Variants in TTC34 observed in about 807,000 individuals in gnomAD.
TTC34 encodes tetratricopeptide repeat domain 34.
TTC34 carries 44 observed loss-of-function variants against 40.7 expected under a neutral mutation model. The ratio of observed to expected loss-of-function variants is 1.08; its 90% CI spans 0.85 to 1.39. The LOEUF is 1.39. Ranked by LOEUF, TTC34 falls within the 40% of genes most tolerant of loss-of-function variation. TTC34 has a pLI of 0.00. For synonymous variants in TTC34, 422 were observed against 398.6 expected (o/e 1.06, Z -0.70); for missense variants, 884 against 838.0 (o/e 1.05, Z -0.68).
intron 2 of TTC34, among the ~76,000 whole-genome samples, chr1:2,798,921 C>G (rs1333528194): frequency 2.1e-5 from 2 of 94,192 alleles, no homozygotes; most frequent in African/African-American, 4.5e-5. Flanking sequence ...CTCCAAGCCT[C>G]GCAGCCCCCC....
chr1:2,648,984 C>T (rs1386459699), intron 6 of TTC34, among the ~76,000 whole-genome samples: 2 of 151,544 alleles, frequency 1.3e-5, no homozygotes, highest in Non-Finnish European at 2.9e-5. Flanking sequence ...TATCTGACAG[C>T]CTGGGAATGC....
At chr1:2,769,693 T>A (rs374372449) in intron 6 of TTC34, among the ~76,000 whole-genome samples, 13 of 10,996 alleles carry the variant, frequency 1.2e-3, no homozygotes, top group East Asian at 5.6e-3. Flanking sequence ...CATCTGACAG[T>A]CTGGAGCAGC....
At chr1:2,683,152 C>A (rs1179671529) in intron 6 of TTC34, among the ~76,000 whole-genome samples, 1 of 140,262 alleles carries the variant, frequency 7.1e-6, no homozygotes, top group African/African-American at 2.7e-5. Flanking sequence ...CACGCACAGC[C>A]CCAGGAGAGC....
chr1:2,645,618 C>G lies in TTC34; in HGVS notation c.2227-55G>C. 1 of 1,424,060 alleles carries G rather than the reference C, an allele frequency of 7.0e-7. No individual in the cohort carries two copies. The highest frequency in any genetic ancestry group is 9.2e-7 in the Non-Finnish European group (1 of 1,087,430). 88.2% of individuals were successfully genotyped at this position (1,424,060 alleles called of 1,614,324 possible). ...AGTTGTCCTAAGTAGAGAAACTGGGCAGAGGGTCAGAGTAGGAGGACTGGC... is the reference window on the plus strand; with the variant it reads ...AGTTGTCCTAAGTAGAGAAACTGGGGAGAGGGTCAGAGTAGGAGGACTGGC... On this transcript the variant is annotated intron_variant, in intron 6 of 8. Transcript: ENST00000401095. The surrounding 1 kb of genome is among the most constrained non-coding windows in gnomAD (Gnocchi z 4.7).
intron 6 of TTC34, among the ~76,000 whole-genome samples, chr1:2,777,067 C>G (rs1232241501): frequency 1.5e-4 from 4 of 25,908 alleles, no homozygotes; most frequent in African/African-American, 5.6e-4. Flanking sequence ...GAGCATCTGA[C>G]ATCCTGGAAC....
intron 4 of TTC34, 30 bp downstream of exon 4, chr1:2,787,451 T>A (rs1437293765): frequency 4.1e-6 from 6 of 1,447,164 alleles, no homozygotes; most frequent in Non-Finnish European, 4.6e-6. Context: ...CATTTCCACC[T>A]GCCCTCTGTC....
intron 6 of TTC34, among the ~76,000 whole-genome samples, chr1:2,768,186 G>T (rs1641848166): frequency 6.6e-6 from 1 of 151,892 alleles, no homozygotes; most frequent in Non-Finnish European, 1.5e-5. Flanking sequence ...GCATCTGACA[G>T]CCTGGAGCAG....
intron 4 of TTC34, among the ~76,000 whole-genome samples, chr1:2,786,959 G>A (rs1017782867): frequency 3.9e-5 from 6 of 152,158 alleles, no homozygotes; most frequent in Non-Finnish European, 8.8e-5. Flanking sequence ...AGGCCCCAAG[G>A]CCTGAATCCC....
At chr1:2,751,935 G>A (rs1312711529) in intron 6 of TTC34, among the ~76,000 whole-genome samples, 1 of 115,168 alleles carries the variant, frequency 8.7e-6, no homozygotes, top group Non-Finnish European at 1.7e-5. Context: ...CATAACCACA[G>A]GTGAACATCG....
At chr1:2,683,300 A>T (rs1401999900) in intron 6 of TTC34, among the ~76,000 whole-genome samples, 5 of 146,522 alleles carry the variant, frequency 3.4e-5, no homozygotes, top group Admixed American at 2.7e-4. Flanking sequence ...AGCCTGGAAC[A>T]GAATCCACAC....
intron 6 of TTC34, among the ~76,000 whole-genome samples, chr1:2,777,466 G>T (rs984153539): frequency 1.3e-5 from 2 of 152,150 alleles, no homozygotes; most frequent in Non-Finnish European, 2.9e-5. Context: ...CCCGGTTAGT[G>T]TCTGAATTCC....
chr1:2,756,864 C>T (rs1641523981), intron 6 of TTC34, among the ~76,000 whole-genome samples: 5 of 152,006 alleles, frequency 3.3e-5, no homozygotes, highest in African/African-American at 9.6e-5. Context: ...TCGGCACCCA[C>T]ACCTCCAGGT....
intron 6 of TTC34, among the ~76,000 whole-genome samples, chr1:2,683,090 A>C (rs1425260731): frequency 6.9e-6 from 1 of 144,282 alleles, no homozygotes; most frequent in East Asian, 2.1e-4. Context: ...AGCATCTGAC[A>C]GCCTGGAGCA....
At chr1:2,775,524 C>A (rs1201171325) in intron 6 of TTC34, 1 of 147,482 alleles carries the variant, frequency 6.8e-6, no homozygotes, top group Non-Finnish European at 1.5e-5. Flanking sequence ...ACCAGATGAG[C>A]ATCTGACAAC....
chr1:2,786,362 G>A (rs1042604081), intron 4 of TTC34, among the ~76,000 whole-genome samples: 8 of 152,242 alleles, frequency 5.3e-5, no homozygotes, highest in African/African-American at 1.4e-4. Flanking sequence ...GTGTTGCGAT[G>A]TGGCCATTTG....
At chr1:2,794,889 T>C (rs1201293972) in intron 2 of TTC34, among the ~76,000 whole-genome samples, 1 of 152,222 alleles carries the variant, frequency 6.6e-6, no homozygotes, top group African/African-American at 2.4e-5. Context: ...TAGTGAATTA[T>C]ATAATTCTGG....
chr1:2,675,158 C>A (rs1368904960), intron 6 of TTC34, among the ~76,000 whole-genome samples: 1 of 140,044 alleles, frequency 7.1e-6, no homozygotes, highest in African/African-American at 2.6e-5. Context: ...GCAGCACCCA[C>A]ACCCCCAGGG....
intron 6 of TTC34, among the ~76,000 whole-genome samples, chr1:2,768,342 T>C (rs551755996): frequency 6.6e-6 from 1 of 152,016 alleles, no homozygotes; most frequent in Non-Finnish European, 1.5e-5. Context: ...GGTTATCAGA[T>C]GCTCACCTGG....
intron 6 of TTC34, among the ~76,000 whole-genome samples, chr1:2,769,728 G>C (rs1641993289): frequency 6.7e-6 from 1 of 149,830 alleles, no homozygotes; most frequent in Admixed American, 6.6e-5. Context: ...GTGAGCATCT[G>C]ACAGCCTGGA....
Sources: allele counts gnomAD v4.1 joint callset (sites outside exome capture counted in the v4.1 genomes callset), GRCh38; gene constraint gnomAD v4.1.1; non-coding constraint Gnocchi (gnomAD v3.1); transcripts MANE v1.5; gene names NCBI Gene and HGNC (gene_info 2026-07-23, HGNC 2026-07-21).